Variants in HSPA12A observed in about 807,000 individuals in gnomAD.
The protein encoded by HSPA12A is heat shock protein family A (Hsp70) member 12A.
A neutral mutation model predicts 69.2 loss-of-function variants in HSPA12A; 28 were observed. The ratio of observed to expected loss-of-function variants is 0.40; its 90% CI spans 0.30 to 0.55. The LOEUF is 0.55. Among genes scored for constraint, HSPA12A ranks in the 20% least tolerant of loss-of-function variants. HSPA12A has a pLI of 0.38. For synonymous variants in HSPA12A, 345 were observed against 370.5 expected, an observed-to-expected ratio of 0.93 and a Z score of 0.79; for missense variants, 686 against 900.7, an observed-to-expected ratio of 0.76 and a Z score of 3.05.
chr10:116,839,617 A>C (rs1039744324), intron 1 of HSPA12A, among the ~76,000 whole-genome samples: 6 of 151,690 alleles, frequency 4.0e-5, no homozygotes, highest in African/African-American at 9.7e-5. Flanking sequence ...AAAAAAAAAA[A>C]AAAAAAAAAA....
At chr10:116,821,882 T>C (rs998612216) in intron 2 of HSPA12A, among the ~76,000 whole-genome samples, 4 of 152,146 alleles carry the variant, frequency 2.6e-5, no homozygotes, top group Non-Finnish European at 5.9e-5. Flanking sequence ...CACCAGAACC[T>C]GCCATTGGGT....
Position 116,686,367 on chromosome 10 carries a change from A to T in HSPA12A, c.664-2405T>A, listed in dbSNP as rs141741970. Among the ~76,000 whole-genome samples the T allele has an allele frequency of 1.3e-5, 2 of 152,296 alleles. No individual in the cohort carries two copies. Among genetic ancestry groups the T allele is most frequent in the African/African-American group, 4.8e-5 (2 of 41,572 alleles). On this transcript the variant is annotated intron_variant, in intron 6 of 11. Coordinates refer to ENST00000369209, the MANE Select transcript of HSPA12A (RefSeq NM_025015.3). The surrounding 1 kb of genome is among the most constrained non-coding windows in gnomAD (Gnocchi z 4.1). The stretch of plus-strand genomic sequence containing the variant: ...GTGGAGTCAAGGACCTCCCAGGAGC[A>T]TAGAAGGTCCAAGGGGGAAGCTTCC...
chr10:116,738,215 C>T (rs533624820), intron 1 of HSPA12A, among the ~76,000 whole-genome samples: 1 of 152,210 alleles, frequency 6.6e-6, no homozygotes, highest in African/African-American at 2.4e-5. Flanking sequence ...GCCTGACTCC[C>T]CTCCAGCTTG....
chr10:116,707,119 C>T lies in HSPA12A; in HGVS notation c.126+81G>A, dbSNP rs1191512662. Reference sequence around the variant, plus strand: ...ATCAGACCCAGAATGCAAAGGAAGTCAGTACGCACGTGTGCTCATGCGCAC... The same window carrying T: ...ATCAGACCCAGAATGCAAAGGAAGTTAGTACGCACGTGTGCTCATGCGCAC... On this transcript the variant is annotated intron_variant, in intron 2 of 11. Transcript: ENST00000369209. 2.2e-5 allele frequency: 25 copies of T among 1,125,792 alleles called. No homozygotes were observed. In the East Asian group the frequency reaches 2.4e-4, roughly 11 times the overall value. The allele number at this position is 1,125,792 out of a possible 1,614,324, so 69.7% of individuals were successfully genotyped here. A position where few individuals can be genotyped will look rare whatever the true frequency, so the allele number is the denominator to read the frequency against.
At chr10:116,692,296 T>G in intron 6 of HSPA12A, 55 bp downstream of exon 6, 1 of 1,389,846 alleles carries the variant, frequency 7.2e-7, no homozygotes, top group South Asian at 1.2e-5. Context: ...GTCACCACCC[T>G]GGACATCTTG....
chr10:116,825,925 A>G (rs758771073), intron 2 of HSPA12A, among the ~76,000 whole-genome samples: 6 of 152,220 alleles, frequency 3.9e-5, no homozygotes, highest in Non-Finnish European at 7.3e-5. Flanking sequence ...GAATGAAAAC[A>G]GGCTGTGAAA....
At chr10:116,743,246 C>T (rs1851573547), upstream of HSPA12A, among the ~76,000 whole-genome samples, 1 of 152,180 alleles carries the variant, frequency 6.6e-6, no homozygotes. Context: ...CTGAGAATAA[C>T]GATATTAATA....
chr10:116,849,926 G>T (rs1435254027), upstream of HSPA12A: 2 of 743,412 alleles, frequency 2.7e-6, no homozygotes, highest in Non-Finnish European at 4.7e-6. Flanking sequence ...GATCTCCCCA[G>T]AGAAAGTGGC....
At chr10:116,825,008 CA>C (rs1276003202) in intron 2 of HSPA12A, among the ~76,000 whole-genome samples, 2 of 147,544 alleles carry the variant, frequency 1.4e-5, no homozygotes, top group African/African-American at 5.0e-5. Context: ...GGCAACATGG[CA>C]AAACCCCATC....
chr10:116,811,579 T>TAAAAAAAAAAAAAAAAAAAAAA (rs60912684), intron 2 of HSPA12A, among the ~76,000 whole-genome samples: 4 of 105,932 alleles, frequency 3.8e-5, no homozygotes, highest in African/African-American at 1.5e-4. Flanking sequence ...TTGCTTTTGT[T>TAAAAAAAAAAAAAAAAAAAAAA]AAAAAAAAAA....
At chr10:116,829,791 T>C (rs1845579215) in intron 2 of HSPA12A, 1 of 152,148 alleles carries the variant, frequency 6.6e-6, no homozygotes, top group South Asian at 2.1e-4. Context: ...ATCCAAAGGA[T>C]ACACAGGAGG....
chr10:116,744,840 G>A (rs2133076564), upstream of HSPA12A, among the ~76,000 whole-genome samples: 1 of 152,324 alleles, frequency 6.6e-6, no homozygotes, highest in Non-Finnish European at 1.5e-5. Flanking sequence ...AGCAAGGCTG[G>A]GGTTCAAGGC....
chr10:116,716,163 G>T (rs1850598473), intron 1 of HSPA12A, among the ~76,000 whole-genome samples: 1 of 152,062 alleles, frequency 6.6e-6, no homozygotes, highest in African/African-American at 2.4e-5. Flanking sequence ...GGGGTGGGGG[G>T]TATCCTCCAT....
At chr10:116,796,469 G>C (rs1285885400) in intron 2 of HSPA12A, among the ~76,000 whole-genome samples, 1 of 152,000 alleles carries the variant, frequency 6.6e-6, no homozygotes, top group African/African-American at 2.4e-5. Flanking sequence ...GCTGCTCTGG[G>C]TCTCTGGACC....
At chr10:116,814,879 G>T (rs191840717) in intron 2 of HSPA12A, among the ~76,000 whole-genome samples, 1 of 152,268 alleles carries the variant, frequency 6.6e-6, no homozygotes, top group East Asian at 1.9e-4. Flanking sequence ...TACAGCCTAC[G>T]TTATAAAGGG....
At chr10:116,743,739 T>C (rs1417606838), upstream of HSPA12A, among the ~76,000 whole-genome samples, 11 of 151,784 alleles carry the variant, frequency 7.2e-5, no homozygotes, top group Non-Finnish European at 1.2e-4. Flanking sequence ...GGCAGAGAGC[T>C]GCTGCGAGAG....
intron 6 of HSPA12A, among the ~76,000 whole-genome samples, chr10:116,690,187 T>G (rs999520882): frequency 2.0e-5 from 3 of 152,186 alleles, no homozygotes; most frequent in Non-Finnish European, 2.9e-5. Flanking sequence ...GAAGACAGGC[T>G]AAAGAGACTA....
intron 2 of HSPA12A, among the ~76,000 whole-genome samples, chr10:116,796,145 C>CAAAAAAA (rs10522145): frequency 3.1e-4 from 34 of 110,606 alleles, no homozygotes; most frequent in East Asian, 1.2e-3. Context: ...AAGACTCCAT[C>CAAAAAAA]AAAAAAAAAA....
chr10:116,687,838 GC>G (rs1849619746), intron 6 of HSPA12A, among the ~76,000 whole-genome samples: 1 of 152,184 alleles, frequency 6.6e-6, no homozygotes, highest in African/African-American at 2.4e-5. Flanking sequence ...CTCCACTGGG[GC>G]CCCTGCCAAG....
Sources: allele counts gnomAD v4.1 joint callset (sites outside exome capture counted in the v4.1 genomes callset), GRCh38; gene constraint gnomAD v4.1.1; non-coding constraint Gnocchi (gnomAD v3.1); transcripts MANE v1.5; gene names NCBI Gene and HGNC (gene_info 2026-07-23, HGNC 2026-07-21).